The following BRSK1 variants were observed in gnomAD, a reference collection of about 807,000 sequenced individuals.
The protein encoded by BRSK1 is BR serine/threonine kinase 1.
Under a neutral mutation model 86.2 loss-of-function variants are expected in BRSK1, and 17 were observed. The observed-to-expected ratio is 0.20, with a 90% CI of 0.14 to 0.30. The LOEUF (loss-of-function observed/expected upper bound fraction) is 0.30, where lower values mean the gene tolerates loss of function less well. BRSK1 is among the 10% of genes least tolerant of loss of function. The probability of loss-of-function intolerance (pLI) is 1.00; values close to 1 mark genes in which losing one functional copy is unlikely to be tolerated. For synonymous variants in BRSK1, 464 were observed against 440.1 expected (o/e 1.05, Z -0.68); for missense variants, 719 against 1,071.9 (o/e 0.67, Z 4.60).
chr19:55,307,908 C>G (rs191643160), intron 17 of BRSK1, among the ~76,000 whole-genome samples: 3 of 144,814 alleles, frequency 2.1e-5, no homozygotes, highest in South Asian at 2.2e-4. Flanking sequence ...GAGCCGTGAT[C>G]GCGCCACTGC....
rs1183421663 is a variant in BRSK1, at chr19:55,306,075, G to A, written c.1891-177G>A. On this transcript the variant is annotated intron_variant, in intron 16 of 18. Coordinates refer to ENST00000309383, the MANE Select transcript of BRSK1 (RefSeq NM_032430.2). The surrounding 1 kb of genome is among the most constrained non-coding windows in gnomAD (Gnocchi z 4.7). ...ATGTCCAACCATTCCTCCCTTACTCGCTGATAGGATAGAGAAAGCTACAAG... is the reference window on the plus strand; with the variant it reads ...ATGTCCAACCATTCCTCCCTTACTCACTGATAGGATAGAGAAAGCTACAAG... Among the ~76,000 whole-genome samples, 1 of 152,178 alleles carries A rather than the reference G, an allele frequency of 6.6e-6. No individual in the cohort carries two copies. The highest frequency in any genetic ancestry group is 1.5e-5 in the Non-Finnish European group (1 of 68,046).
At chr19:55,308,093 T>C (rs984618817) in intron 17 of BRSK1, among the ~76,000 whole-genome samples, 9 of 150,672 alleles carry the variant, frequency 6.0e-5, no homozygotes, top group African/African-American at 2.0e-4. Context: ...TGATCTGGGC[T>C]CACTGCAACC....
In BRSK1 at chr19:55,303,051, T is replaced by C. The variant is rs141095323; in HGVS notation, c.1028+184T>C. 2.1e-3 allele frequency: 1,532 copies of C among 723,800 alleles called. 18 individuals are homozygous for C. Among genetic ancestry groups the C allele is most frequent in the South Asian group, 0.02 (1,056 of 51,814 alleles). 44.8% of individuals were successfully genotyped at this position (723,800 alleles called of 1,614,324 possible). On this transcript the variant is annotated intron_variant, in intron 10 of 18. Coordinates refer to ENST00000309383, the MANE Select transcript of BRSK1 (RefSeq NM_032430.2). The surrounding 1 kb of genome is among the most constrained non-coding windows in gnomAD (Gnocchi z 5.1). ...CAGAAACACGCTGAGAAAGTATTAA[T>C]AGATGCTGCGACATAGTACTTACAT...
intron 7 of BRSK1, among the ~76,000 whole-genome samples, chr19:55,297,224 G>T (rs1231600280): frequency 4.0e-5 from 6 of 151,664 alleles, no homozygotes; most frequent in African/African-American, 1.5e-4. Context: ...CTACAGGCAT[G>T]TGCCACCACG....
intron 7 of BRSK1, 100 bp from the exon 8 acceptor site, chr19:55,301,412 T>C: frequency 7.0e-7 from 1 of 1,431,886 alleles, no homozygotes; most frequent in Non-Finnish European, 9.4e-7. Context: ...TGCCTCAGTT[T>C]CCAACCCCTT....
chr19:55,301,674 G>A lies in BRSK1; in HGVS notation c.825+16G>A, dbSNP rs751724522. The A allele has an allele frequency of 7.5e-6, 12 of 1,601,712 alleles. No homozygotes were observed. Among genetic ancestry groups the A allele is most frequent in the South Asian group, 6.6e-5 (6 of 90,312 alleles). On this transcript the variant is annotated intron_variant, in intron 8 of 18. Transcript: ENST00000309383. ...AAGGCTCAGTGTGAGTTGAGGGGGG[G>A]ACCGGCGGAGGGGGGAACAGTGGCC...
At chr19:55,307,173 G>T (rs1375650202) in intron 17 of BRSK1, among the ~76,000 whole-genome samples, 1 of 152,218 alleles carries the variant, frequency 6.6e-6, no homozygotes, top group Non-Finnish European at 1.5e-5. Flanking sequence ...AGAGGGGCTT[G>T]CCCCAAAGAT....
In BRSK1 at chr19:55,284,405, G is replaced by A; in HGVS notation, c.-38G>A. The A allele has an allele frequency of 3.5e-6, 4 of 1,133,944 alleles. No homozygotes were observed. Among genetic ancestry groups the A allele is most frequent in the Non-Finnish European group, 4.5e-6 (4 of 884,292 alleles). 70.2% of individuals were successfully genotyped at this position (1,133,944 alleles called of 1,614,324 possible). A position where few individuals can be genotyped will look rare whatever the true frequency, so the allele number is the denominator to read the frequency against. ...AGACGGGGCGACGGCCGCAGGGGGG[G>A]CGGCCGGGGGACCGGTCGGGCCGGG... On this transcript the variant is annotated 5_prime_UTR_variant, in exon 1 of 19. Transcript: ENST00000309383.
chr19:55,311,089 G>A (rs2088781600), intron 18 of BRSK1, among the ~76,000 whole-genome samples: 1 of 152,110 alleles, frequency 6.6e-6, no homozygotes, highest in South Asian at 2.1e-4. Flanking sequence ...AGCCTGTCGA[G>A]TAGCTGGGAT....
chr19:55,290,929 C>A (rs571606698), intron 4 of BRSK1, among the ~76,000 whole-genome samples: 2 of 152,126 alleles, frequency 1.3e-5, no homozygotes, highest in African/African-American at 4.8e-5. Context: ...GCATGAGCCA[C>A]CGCGCCCGGC....
intron 7 of BRSK1, among the ~76,000 whole-genome samples, chr19:55,299,154 A>G (rs895236025): frequency 6.6e-6 from 1 of 152,090 alleles, no homozygotes; most frequent in Non-Finnish European, 1.5e-5. Context: ...CCGTCTCAAT[A>G]AAAAAAGAAA....
chr19:55,295,706 A>G (rs1678096319), intron 7 of BRSK1, among the ~76,000 whole-genome samples: 1 of 152,146 alleles, frequency 6.6e-6, no homozygotes, highest in Admixed American at 6.6e-5. Flanking sequence ...GGAGGCTCAC[A>G]CCTGTAATCC....
chr19:55,289,264 C>T (rs541609217), intron 3 of BRSK1, among the ~76,000 whole-genome samples: 1 of 152,216 alleles, frequency 6.6e-6, no homozygotes, highest in Admixed American at 6.5e-5. Context: ...GTCACTTCCT[C>T]CCAGGGAGTG....
Position 55,303,640 on chromosome 19 carries a change from G to C in BRSK1, c.1127-27G>C. On this transcript the variant is annotated intron_variant, in intron 11 of 18. Coordinates refer to ENST00000309383, the MANE Select transcript of BRSK1 (RefSeq NM_032430.2). The surrounding 1 kb of genome is among the most constrained non-coding windows in gnomAD (Gnocchi z 5.1). The stretch of plus-strand genomic sequence containing the variant: ...ACACAGCTGGGTGAAACCATCTCTT[G>C]ATTGGGTTGAAACTGTTGTCCCTCA... The C allele has an allele frequency of 1.9e-6, 3 of 1,574,966 alleles. No individual in the cohort carries two copies. The highest frequency in any genetic ancestry group is 2.6e-6 in the Non-Finnish European group (3 of 1,158,386).
intron 4 of BRSK1, among the ~76,000 whole-genome samples, 191 bp downstream of exon 4, chr19:55,289,811 G>A (rs954890290): frequency 6.6e-6 from 1 of 152,106 alleles, no homozygotes; most frequent in Non-Finnish European, 1.5e-5. Flanking sequence ...TATATTTGCA[G>A]TGGTATACAT....
chr19:55,312,115 G>GT lies in BRSK1; in HGVS notation c.*48dup. On this transcript the variant is annotated 3_prime_UTR_variant, in exon 19 of 19. Coordinates refer to ENST00000309383, the MANE Select transcript of BRSK1 (RefSeq NM_032430.2). ...GGGGACCCCCCTCCACCCCCCTTCCGTGCCCCCCAACTGTGAATCTGTAAA... is the reference window on the plus strand; with the variant it reads ...GGGGACCCCCCTCCACCCCCCTTCCGTTGCCCCCCAACTGTGAATCTGTAAA... 1 of 815,676 alleles carries GT rather than the reference G, an allele frequency of 1.2e-6. No homozygotes were observed. Among genetic ancestry groups the GT allele is most frequent in the South Asian group, 1.9e-5 (1 of 52,230 alleles). 50.5% of individuals were successfully genotyped at this position (815,676 alleles called of 1,614,324 possible).
chr19:55,284,778 G>A (rs2088283486), intron 1 of BRSK1, among the ~76,000 whole-genome samples, 200 bp downstream of exon 1: 1 of 151,654 alleles, frequency 6.6e-6, no homozygotes, highest in Non-Finnish European at 1.5e-5. Context: ...GAGGAGAGGG[G>A]CTGGGGGCCT....
chr19:55,296,020 A>G (rs1288365942), intron 7 of BRSK1, among the ~76,000 whole-genome samples: 2 of 152,066 alleles, frequency 1.3e-5, no homozygotes, highest in East Asian at 3.9e-4. Flanking sequence ...CTCCTACCAC[A>G]GGGCCTTTCT....
At chr19:55,295,684 C>T (rs950196306) in intron 7 of BRSK1, among the ~76,000 whole-genome samples, 7 of 152,070 alleles carry the variant, frequency 4.6e-5, no homozygotes, top group Non-Finnish European at 8.8e-5. Flanking sequence ...CAAGTATAAC[C>T]AGGCCGGGCA....
Sources: gnomAD v4.1 joint callset for allele counts (sites outside exome capture counted in the v4.1 genomes callset) on GRCh38, gnomAD v4.1.1 for gene constraint, Gnocchi (gnomAD v3.1) non-coding constraint, MANE v1.5 for transcripts, NCBI Gene and HGNC (gene_info 2026-07-23, HGNC 2026-07-21) for gene names.